The following OR2T12 variants were observed in gnomAD, a reference collection of about 807,000 sequenced individuals.
The protein encoded by OR2T12 is olfactory receptor 2T12.
For missense variants in OR2T12, 335 were observed against 404.3 expected, an observed-to-expected ratio of 0.83 and a Z score of 1.47; for synonymous variants, 127 against 160.5, an observed-to-expected ratio of 0.79 and a Z score of 1.58.
chr1:248,295,903 T>C (rs993726620), intron 2 of OR2T12, among the ~76,000 whole-genome samples: 8 of 152,178 alleles, frequency 5.3e-5, no homozygotes, highest in Admixed American at 3.9e-4. Context: ...GTGCACAATG[T>C]GCAGGTTAGT....
intron 2 of OR2T12, among the ~76,000 whole-genome samples, chr1:248,301,044 C>A (rs1659805093): frequency 6.6e-6 from 1 of 152,070 alleles, no homozygotes; most frequent in Non-Finnish European, 1.5e-5. Context: ...TTAGTTTAGG[C>A]TGAATTTATA....
Position 248,295,191 on chromosome 1 carries a change from A to G in OR2T12, c.388T>C (p.Tyr130His). The G allele has an allele frequency of 6.2e-7, 1 of 1,609,754 alleles. No individual in the cohort carries two copies. The highest frequency in any genetic ancestry group is 1.1e-5 in the South Asian group (1 of 90,890). The change falls in exon 3 of 3, where the codon TAT becomes CAT. Residue 130 changes from tyrosine to histidine, a missense_variant. By Grantham distance (83) the Tyr-to-His change is moderately conservative. Transcript: ENST00000641276. ...RYAAVCHPLRYPTLMSWQLCL... is the reference protein window; with the variant it reads ...RYAAVCHPLRHPTLMSWQLCL... Reference sequence around the variant, plus strand: ...AGCTGCCAGCTCATGAGAGTGGGATATCGGAGTGGGTGGCAGACAGCCGCA... The same window carrying G: ...AGCTGCCAGCTCATGAGAGTGGGATGTCGGAGTGGGTGGCAGACAGCCGCA...
chr1:248,298,472 T>A (rs1453918416), intron 2 of OR2T12, among the ~76,000 whole-genome samples: 1 of 152,142 alleles, frequency 6.6e-6, no homozygotes, highest in East Asian at 1.9e-4. Context: ...CTGTGAATCC[T>A]TCTGGTCCTG....
Position 248,294,789 on chromosome 1 carries a change from T to G in OR2T12, c.790A>C (p.Arg264=). The change falls in exon 3 of 3, where the codon AGG becomes CGG. Residue 264 remains arginine, a synonymous_variant. Coordinates refer to ENST00000641276, the MANE Select transcript of OR2T12 (RefSeq NM_001004692.2). ...ACAACCTTATCGTGGTTAGTGGACC[T>G]GTGGGATTTGGGTCTCATATAGGTA... is the stretch of plus-strand genomic sequence containing the variant. ...IFTYMRPKSH[R]STNHDKVVSA... 6.2e-7 allele frequency: 1 copy of G among 1,613,950 alleles called. No homozygotes were observed. The highest frequency in any genetic ancestry group is 1.1e-5 in the South Asian group (1 of 91,068).
In OR2T12 at chr1:248,292,660, G is replaced by C. The variant is rs533194319; in HGVS notation, c.*1956C>G. On this transcript the variant is annotated 3_prime_UTR_variant, in exon 3 of 3. Coordinates refer to ENST00000641276, the MANE Select transcript of OR2T12 (RefSeq NM_001004692.2). ...TTCATTGTGATCAGATAACTAGTCT[G>C]AAATACCACTTCTTTGAAACATGTC... 1 of 152,124 alleles carries C rather than the reference G, an allele frequency of 6.6e-6. No individual in the cohort carries two copies. The highest frequency in any genetic ancestry group is 2.4e-5 in the African/African-American group (1 of 41,538). 9.4% of individuals were successfully genotyped at this position (152,124 alleles called of 1,614,324 possible).
chr1:248,300,434 A>T (rs540130555), intron 2 of OR2T12, among the ~76,000 whole-genome samples: 3 of 152,258 alleles, frequency 2.0e-5, no homozygotes, highest in African/African-American at 7.2e-5. Context: ...ATCTAGGTTC[A>T]GTCAATGTCT....
intron 1 of OR2T12, among the ~76,000 whole-genome samples, chr1:248,301,983 T>G (rs908492027): frequency 6.6e-6 from 1 of 151,100 alleles, no homozygotes; most frequent in Non-Finnish European, 1.5e-5. Context: ...GGATGAGAAA[T>G]TGAGAAGGCA....
intron 1 of OR2T12, among the ~76,000 whole-genome samples, chr1:248,302,540 G>A (rs542905178): frequency 1.3e-5 from 2 of 152,032 alleles, no homozygotes; most frequent in Non-Finnish European, 2.9e-5. Context: ...CATATTTGTT[G>A]TAAATAAACA....
chr1:248,296,483 T>G (rs1470982893), intron 2 of OR2T12, among the ~76,000 whole-genome samples: 1 of 152,144 alleles, frequency 6.6e-6, no homozygotes, highest in Non-Finnish European at 1.5e-5. Context: ...AGTGTAAAAG[T>G]GTTCCTATTT....
At chr1:248,298,215 T>C (rs966082930) in intron 2 of OR2T12, among the ~76,000 whole-genome samples, 20 of 152,138 alleles carry the variant, frequency 1.3e-4, no homozygotes, top group African/African-American at 4.1e-4. Context: ...TTGATCATGG[T>C]GGATAAGCTT....
At chr1:248,298,837 G>C (rs1031201767) in intron 2 of OR2T12, among the ~76,000 whole-genome samples, 17 of 151,058 alleles carry the variant, frequency 1.1e-4, no homozygotes, top group African/African-American at 2.4e-4. Flanking sequence ...AGGGTTTTTT[G>C]TGCCTCTATT....
intron 2 of OR2T12, among the ~76,000 whole-genome samples, chr1:248,296,778 C>T (rs148686664): frequency 0.035 from 5,278 of 152,166 alleles, 127 homozygotes; most frequent in Non-Finnish European, 0.049. Context: ...GAGCAGGTTG[C>T]GAAAATTTTC....
intron 2 of OR2T12, among the ~76,000 whole-genome samples, chr1:248,299,236 C>T (rs547668371): frequency 6.6e-6 from 1 of 152,284 alleles, no homozygotes; most frequent in Admixed American, 6.5e-5. Context: ...AAGACACAGA[C>T]TGGCACATTG....
chr1:248,291,830 G>C lies in OR2T12; in HGVS notation c.*2786C>G, dbSNP rs898575829. ...CAAACCTGACAAAAACAAGCAATGG[G>C]GAAAGGATTCCCTATTTAATAAATG... On this transcript the variant is annotated 3_prime_UTR_variant, in exon 3 of 3. Coordinates refer to ENST00000641276, the MANE Select transcript of OR2T12 (RefSeq NM_001004692.2). The C allele has an allele frequency of 5.3e-5, 8 of 152,036 alleles. No homozygotes were observed. Among genetic ancestry groups the C allele is most frequent in the African/African-American group, 1.9e-4 (8 of 41,386 alleles). 9.4% of individuals were successfully genotyped at this position (152,036 alleles called of 1,614,324 possible).
At chr1:248,299,532 A>G (rs2103039473) in intron 2 of OR2T12, among the ~76,000 whole-genome samples, 1 of 152,294 alleles carries the variant, frequency 6.6e-6, no homozygotes, top group Admixed American at 6.5e-5. Context: ...CCAGATTCAT[A>G]AAGCAAATCC....
intron 2 of OR2T12, among the ~76,000 whole-genome samples, chr1:248,296,707 T>C (rs1341480755): frequency 6.6e-6 from 1 of 152,098 alleles, no homozygotes; most frequent in Non-Finnish European, 1.5e-5. Context: ...GGGTTGTTTG[T>C]TTTTTCTCGT....
rs1032262301 is a variant in OR2T12 at position 248,290,901 on chromosome 1, A to C, written c.*3715T>G. 3.3e-5 allele frequency: 5 copies of C among 152,170 alleles called. No individual in the cohort carries two copies. Among genetic ancestry groups the C allele is most frequent in the African/African-American group, 1.2e-4 (5 of 41,436 alleles). 9.4% of individuals were successfully genotyped at this position (152,170 alleles called of 1,614,324 possible). ...TGTGGTTTCGATTTGCATTTCTATA[A>C]GGACCAGTGATGATGAGCTTTTTTT... On this transcript the variant is annotated 3_prime_UTR_variant, in exon 3 of 3. Transcript: ENST00000641276.
chr1:248,298,850 C>A lies in OR2T12; in HGVS notation c.-9+2523G>T, dbSNP rs182668526. Among the ~76,000 whole-genome samples the A allele has an allele frequency of 4.1e-3, 621 of 151,784 alleles. 4 individuals carry two copies. The highest frequency in any genetic ancestry group is 0.014 in the African/African-American group (588 of 41,352). ...GAAGGGTTTTTTGTGCCTCTATTTC[C>A]TTCAGTTCTGCTCTGATTTTAGTTA... On this transcript the variant is annotated intron_variant, in intron 2 of 2. Coordinates refer to ENST00000641276, the MANE Select transcript of OR2T12 (RefSeq NM_001004692.2).
intron 2 of OR2T12, among the ~76,000 whole-genome samples, chr1:248,298,211 A>G (rs1291751879): frequency 2.0e-5 from 3 of 152,172 alleles, no homozygotes; most frequent in Non-Finnish European, 4.4e-5. Flanking sequence ...CCACTTGATC[A>G]TGGTGGATAA....
Sources: gnomAD v4.1 joint callset for allele counts (sites outside exome capture counted in the v4.1 genomes callset) on GRCh38, gnomAD v4.1.1 for gene constraint, MANE v1.5 for transcripts, NCBI Gene and HGNC (gene_info 2026-07-23, HGNC 2026-07-21) for gene names.